XKR6: variants seen among roughly 807,000 people sequenced by gnomAD.
The protein encoded by XKR6 is XK-related protein 6.
Under a neutral mutation model 56.7 loss-of-function variants are expected in XKR6, and 22 were observed. The observed-to-expected ratio is 0.39, with a 90% confidence interval of 0.28 to 0.55. XKR6 has a LOEUF of 0.55. Ranked by LOEUF, XKR6 falls within the 20% of genes least tolerant of loss-of-function variation. The probability of loss-of-function intolerance (pLI) is 0.66; values close to 1 mark genes in which losing one functional copy is unlikely to be tolerated. For missense variants in XKR6, 852 were observed against 889.0 expected, an observed-to-expected ratio of 0.96 and a Z score of 0.53; for synonymous variants, 524 against 387.8, an observed-to-expected ratio of 1.35 and a Z score of -4.13.
Position 11,200,958 on chromosome 8 carries a change from C to T in XKR6, c.382G>A (p.Asp128Asn), listed in dbSNP as rs1280287985. The T allele has an allele frequency of 6.5e-7, 1 of 1,541,540 alleles. No individual in the cohort carries two copies. The highest frequency in any genetic ancestry group is 8.7e-7 in the Non-Finnish European group (1 of 1,149,104). The stretch of plus-strand genomic sequence containing the variant: ...AGCGCCAGCACGATCCACAGGCAGT[C>T]GAGCCACGGCCGCTCCACCTGCGGC... The part of the protein sequence containing the change: ...PPPQVERPWL[D>N]CLWIVLALLV... The change falls in exon 1 of 3, where the codon GAC (aspartate) becomes AAC (asparagine). Residue 128 changes from aspartate (D) to asparagine (N), a missense_variant. By Grantham distance (23) the Asp-to-Asn change is conservative. This residue lies in a region of XKR6 where 417 missense variants were observed against 355.2 expected (regional missense o/e 1.17). Coordinates refer to ENST00000416569, the MANE Select transcript of XKR6 (RefSeq NM_173683.4). The surrounding 1 kb of genome is among the most constrained non-coding windows in gnomAD (Gnocchi z 6.4).
intron 1 of XKR6, among the ~76,000 whole-genome samples, chr8:11,025,361 A>G (rs1469768549): frequency 2.0e-5 from 3 of 152,208 alleles, no homozygotes; most frequent in Non-Finnish European, 4.4e-5. Flanking sequence ...CCTTTCTAAG[A>G]GGAGCCGATG....
At chr8:10,958,241 C>G (rs1425858636) in intron 1 of XKR6, among the ~76,000 whole-genome samples, 1 of 152,222 alleles carries the variant, frequency 6.6e-6, no homozygotes, top group Non-Finnish European at 1.5e-5. Flanking sequence ...GCCAAGTCAT[C>G]TGCAGAAGGA....
At chr8:10,925,646 T>A (rs113020747) in intron 1 of XKR6, among the ~76,000 whole-genome samples, 322 of 152,296 alleles carry the variant, frequency 2.1e-3, no homozygotes, top group Non-Finnish European at 3.7e-3. Flanking sequence ...GCCTGACTCA[T>A]CACTTGCTAA....
chr8:10,999,650 G>T (rs1463013054), intron 1 of XKR6, among the ~76,000 whole-genome samples: 1 of 152,168 alleles, frequency 6.6e-6, no homozygotes, highest in South Asian at 2.1e-4. Flanking sequence ...TTCTAAAAAA[G>T]GATGTTCTGC....
intron 1 of XKR6, among the ~76,000 whole-genome samples, chr8:10,982,729 C>T (rs973403206): frequency 1.3e-5 from 2 of 152,190 alleles, no homozygotes; most frequent in African/African-American, 4.8e-5. Context: ...CCTGGCGTTT[C>T]TCTAAGATTC....
intron 1 of XKR6, among the ~76,000 whole-genome samples, chr8:11,181,155 T>C (rs1033157409): frequency 5.3e-5 from 8 of 152,210 alleles, no homozygotes; most frequent in Non-Finnish European, 1.0e-4. Flanking sequence ...TTGGTTAATG[T>C]CCATCTTTGG....
chr8:10,967,315 C>T (rs1260791303), intron 1 of XKR6, among the ~76,000 whole-genome samples: 1 of 152,212 alleles, frequency 6.6e-6, no homozygotes, highest in African/African-American at 2.4e-5. Flanking sequence ...AGTTGCTTCA[C>T]TGTAGGGGCG....
intron 1 of XKR6, among the ~76,000 whole-genome samples, chr8:11,069,184 C>A (rs1800055360): frequency 1.3e-5 from 2 of 152,038 alleles, no homozygotes; most frequent in South Asian, 4.2e-4. Context: ...AGAGTAGAGG[C>A]CCCACTGTCT....
rs1025238711 is a variant in XKR6 at position 11,104,943 on chromosome 8, G to T, written c.764+95633C>A. ...GAGAGATTTCCAGAAAGAGTTCTCAGTCAAGCGTTGGTTGAAACAGGATGG... is the reference window on the plus strand; with the variant it reads ...GAGAGATTTCCAGAAAGAGTTCTCATTCAAGCGTTGGTTGAAACAGGATGG... On this transcript the variant is annotated intron_variant, in intron 1 of 2. Coordinates refer to ENST00000416569, the MANE Select transcript of XKR6 (RefSeq NM_173683.4). 4.6e-5 allele frequency: 7 copies of T among 152,170 alleles called. No individual in the cohort carries two copies. The South Asian group carries it at 1.4e-3, about 31-fold the overall frequency. The allele number at this position is 152,170 out of a possible 1,614,324, so 9.4% of individuals were successfully genotyped here.
intron 1 of XKR6, among the ~76,000 whole-genome samples, chr8:10,962,141 C>A (rs1423798745): frequency 6.6e-6 from 1 of 152,144 alleles, no homozygotes; most frequent in Non-Finnish European, 1.5e-5. Flanking sequence ...ATGGCCCCTC[C>A]TAGAAGCACA....
chr8:11,123,680 C>G (rs992657273), intron 1 of XKR6: 14 of 358,694 alleles, frequency 3.9e-5, no homozygotes, highest in African/African-American at 2.8e-4. Context: ...TGTATATATA[C>G]TTGTCTATAT....
chr8:11,136,099 T>C (rs866490546), intron 1 of XKR6, among the ~76,000 whole-genome samples: 28 of 152,184 alleles, frequency 1.8e-4, no homozygotes, highest in Admixed American at 5.9e-4. Context: ...TAAAAACTAG[T>C]GCATCCCACC....
chr8:11,094,353 T>G (rs551502931), intron 1 of XKR6, among the ~76,000 whole-genome samples: 2 of 152,198 alleles, frequency 1.3e-5, no homozygotes, highest in East Asian at 3.9e-4. Flanking sequence ...CATGCCCAGC[T>G]AATGTTTTGT....
intron 1 of XKR6, among the ~76,000 whole-genome samples, chr8:10,980,890 G>A (rs896227459): frequency 6.6e-6 from 1 of 152,092 alleles, no homozygotes; most frequent in Admixed American, 6.5e-5. Flanking sequence ...TACCCAAGTT[G>A]TATAGATCAT....
chr8:11,159,954 C>A (rs1318458862), intron 1 of XKR6, among the ~76,000 whole-genome samples: 2 of 152,280 alleles, frequency 1.3e-5, no homozygotes, highest in East Asian at 3.9e-4. Flanking sequence ...ACGCTGGGTC[C>A]TTGATGGAAT....
rs557866418 is a variant in XKR6, at chr8:10,929,704, C to T, written c.765-4874G>A. On this transcript the variant is annotated intron_variant, in intron 1 of 2. Transcript: ENST00000416569. ...AGAGTAGAACCCAGGACATGATGGACGAATGAATGCATACCATAGTGCCCC... is the reference window on the plus strand; with the variant it reads ...AGAGTAGAACCCAGGACATGATGGATGAATGAATGCATACCATAGTGCCCC... Among the ~76,000 whole-genome samples the T allele has an allele frequency of 1.1e-3, 164 of 152,284 alleles. 1 individual carries two copies. The highest frequency in any genetic ancestry group is 9.5e-3 in the South Asian group (46 of 4,820).
chr8:10,964,292 C>T (rs1213228728), intron 1 of XKR6, among the ~76,000 whole-genome samples: 1 of 152,152 alleles, frequency 6.6e-6, no homozygotes, highest in Non-Finnish European at 1.5e-5. Context: ...GCTTCTAGGA[C>T]ACCTTCTAGG....
At chr8:11,065,680 C>T (rs960404341) in intron 1 of XKR6, among the ~76,000 whole-genome samples, 1 of 152,038 alleles carries the variant, frequency 6.6e-6, no homozygotes, top group African/African-American at 2.4e-5. Context: ...TCCTCTCATT[C>T]CACGTGAACT....
chr8:10,915,195 G>C (rs981300131), intron 2 of XKR6, among the ~76,000 whole-genome samples: 1 of 152,210 alleles, frequency 6.6e-6, no homozygotes, highest in Non-Finnish European at 1.5e-5. Flanking sequence ...GCTCCACAAG[G>C]GCAGGGTTTT....
Sources: gnomAD v4.1 joint callset for allele counts (sites outside exome capture counted in the v4.1 genomes callset) on GRCh38, gnomAD v4.1.1 for gene constraint, gnomAD v4.1.1 regional missense constraint, Gnocchi (gnomAD v3.1) non-coding constraint, MANE v1.5 for transcripts, NCBI Gene and HGNC (gene_info 2026-07-23, HGNC 2026-07-21) for gene names.